The following CNTN4 variants were observed in gnomAD, a reference collection of about 807,000 sequenced individuals.
CNTN4 encodes contactin 4.
CNTN4 carries 77 observed loss-of-function variants against 122.5 expected under a neutral mutation model. The observed-to-expected ratio is 0.63, with a 90% CI of 0.52 to 0.76. The LOEUF (loss-of-function observed/expected upper bound fraction) is 0.76, where lower values mean the gene tolerates loss of function less well. CNTN4 is among the 30% of genes least tolerant of loss of function. CNTN4 has a pLI of 0.00. For missense variants in CNTN4, 1,256 were observed against 1,259.1 expected (o/e 1.00, Z 0.04); for synonymous variants, 512 against 447.0 (o/e 1.15, Z -1.83).
chr3:2,687,553 C>T lies in CNTN4; in HGVS notation c.56-48662C>T, dbSNP rs1336840522. On this transcript the variant is annotated intron_variant, in intron 4 of 24. Transcript: ENST00000418658. ...TGGCATGCGCCTGTAGTCCCAGCTA[C>T]TTGGGAAGATTGCTTGTCCTCAAGA... is the stretch of plus-strand genomic sequence containing the variant. Among the ~76,000 whole-genome samples, 5 of 152,112 alleles carry T rather than the reference C, an allele frequency of 3.3e-5. No homozygotes were observed. In the East Asian group the frequency reaches 9.7e-4, roughly 29 times the overall value.
intron 4 of CNTN4, among the ~76,000 whole-genome samples, chr3:2,627,331 C>T (rs1358911077): frequency 2.6e-5 from 4 of 152,072 alleles, no homozygotes; most frequent in Non-Finnish European, 5.9e-5. Flanking sequence ...GTCATTCTTG[C>T]AAGTTATGTT....
At chr3:2,231,577 TAGA>T (rs1460175658) in intron 2 of CNTN4, among the ~76,000 whole-genome samples, 1 of 152,322 alleles carries the variant, frequency 6.6e-6, no homozygotes, top group South Asian at 2.1e-4. Flanking sequence ...GGAACAAAAT[TAGA>T]AGATTTCTGA....
intron 4 of CNTN4, among the ~76,000 whole-genome samples, chr3:2,703,882 G>A (rs1448993180): frequency 6.6e-6 from 1 of 152,052 alleles, no homozygotes; most frequent in Admixed American, 6.6e-5. Flanking sequence ...TTTAAAAGAT[G>A]ATAGTGTAAA....
At chr3:2,128,137 T>C (rs2034269538) in intron 2 of CNTN4, among the ~76,000 whole-genome samples, 2 of 152,204 alleles carry the variant, frequency 1.3e-5, no homozygotes, top group African/African-American at 4.8e-5. Context: ...CAGTCAGGGC[T>C]TTATCTGCTT....
chr3:2,967,921 C>A (rs1041579538), intron 13 of CNTN4, among the ~76,000 whole-genome samples: 1 of 151,044 alleles, frequency 6.6e-6, no homozygotes. Flanking sequence ...AAAGTTGTGC[C>A]GCCTTTGGTA....
chr3:2,595,390 G>T (rs945142215), intron 4 of CNTN4, among the ~76,000 whole-genome samples: 1 of 152,150 alleles, frequency 6.6e-6, no homozygotes, highest in African/African-American at 2.4e-5. Context: ...TAGAGAAAAG[G>T]CTTTATTGGG....
chr3:2,643,758 C>A (rs2082999771), intron 4 of CNTN4, among the ~76,000 whole-genome samples: 1 of 152,130 alleles, frequency 6.6e-6, no homozygotes, highest in South Asian at 2.1e-4. Flanking sequence ...AGCTACATTA[C>A]AAAGAGTAGA....
intron 13 of CNTN4, among the ~76,000 whole-genome samples, chr3:2,966,088 G>A (rs937683679): frequency 6.6e-6 from 1 of 152,092 alleles, no homozygotes; most frequent in African/African-American, 2.4e-5. Flanking sequence ...CACTACCATA[G>A]GTAGTGAGCA....
At chr3:2,102,613 G>A (rs1019147543) in intron 2 of CNTN4, among the ~76,000 whole-genome samples, 6 of 152,168 alleles carry the variant, frequency 3.9e-5, no homozygotes, top group East Asian at 1.9e-4. Flanking sequence ...TGCCCTTGCC[G>A]TCTTCAGCAG....
At chr3:3,009,445 T>TA (rs959929229) in intron 14 of CNTN4, among the ~76,000 whole-genome samples, 1 of 152,074 alleles carries the variant, frequency 6.6e-6, no homozygotes, top group African/African-American at 2.4e-5. Context: ...GAATTTCTTT[T>TA]TTTTTTGAGA....
Position 2,792,857 on chromosome 3 carries a change from C to A in CNTN4, c.359-26629C>A, listed in dbSNP as rs529840960. On this transcript the variant is annotated intron_variant, in intron 6 of 24. Coordinates refer to ENST00000418658, the MANE Select transcript of CNTN4 (RefSeq NM_175607.3). ...TTATATAAGATGTATTTATACTTTGCATTTTCAAAATACACATTCTCAAAT... is the reference window on the plus strand; with the variant it reads ...TTATATAAGATGTATTTATACTTTGAATTTTCAAAATACACATTCTCAAAT... Among the ~76,000 whole-genome samples, 98 of 152,290 alleles carry A rather than the reference C, an allele frequency of 6.4e-4. 1 individual carries two copies. Among genetic ancestry groups the A allele is most frequent in the African/African-American group, 2.2e-3 (91 of 41,560 alleles).
rs566937249 is a variant in CNTN4, at chr3:2,981,324, G to A, written c.1359-7021G>A. ...CCGGGCGTGGTGGCGGGCGCCTGTA[G>A]TCCCAGCTACTCGGGAGGCTGAGGC... On this transcript the variant is annotated intron_variant, in intron 13 of 24. Transcript: ENST00000418658. Among the ~76,000 whole-genome samples the A allele has an allele frequency of 2.2e-3, 338 of 151,852 alleles. 3 individuals are homozygous for A. In the South Asian group the frequency reaches 0.025, roughly 11 times the overall value.
At chr3:2,744,746 G>T (rs1409378859) in intron 5 of CNTN4, among the ~76,000 whole-genome samples, 1 of 152,144 alleles carries the variant, frequency 6.6e-6, no homozygotes, top group African/African-American at 2.4e-5. Context: ...AAAAACATAG[G>T]TCTTATTACC....
chr3:2,630,056 A>G (rs1238651078), intron 4 of CNTN4, among the ~76,000 whole-genome samples: 1 of 152,194 alleles, frequency 6.6e-6, no homozygotes, highest in Non-Finnish European at 1.5e-5. Context: ...ACACAACCAT[A>G]TTCATTGGTT....
intron 6 of CNTN4, among the ~76,000 whole-genome samples, chr3:2,809,402 G>A (rs186782809): frequency 1.3e-5 from 2 of 152,222 alleles, no homozygotes; most frequent in African/African-American, 4.8e-5. Flanking sequence ...TTGAAGAACA[G>A]AAAGCAAAAT....
At chr3:2,736,442 T>C in intron 5 of CNTN4, 101 bp downstream of exon 5, 1 of 525,228 alleles carries the variant, frequency 1.9e-6, no homozygotes, top group Non-Finnish European at 2.7e-6. Flanking sequence ...CTTTTATTTA[T>C]TTATTTTATT....
chr3:2,613,960 A>T (rs1457175334), intron 4 of CNTN4, among the ~76,000 whole-genome samples: 1 of 152,114 alleles, frequency 6.6e-6, no homozygotes, highest in African/African-American at 2.4e-5. Context: ...CGCTGTTCTA[A>T]CCCTCGTGGA....
intron 2 of CNTN4, among the ~76,000 whole-genome samples, chr3:2,153,985 C>T (rs1261488353): frequency 2.0e-5 from 3 of 152,096 alleles, no homozygotes; most frequent in Admixed American, 6.5e-5. Flanking sequence ...TTTAGCTCTA[C>T]CTTATCTTAT....
chr3:2,963,937 A>G lies in CNTN4; in HGVS notation c.1359-24408A>G, dbSNP rs77279425. ...AATTAGTGAATTGAAGAATGGTCAT[A>G]AACAGAATAAATTGTCTTTTCCAAT... On this transcript the variant is annotated intron_variant, in intron 13 of 24. Coordinates refer to ENST00000418658, the MANE Select transcript of CNTN4 (RefSeq NM_175607.3). Among the ~76,000 whole-genome samples, 1,048 of 152,312 alleles carry G rather than the reference A, an allele frequency of 6.9e-3. 14 individuals carry two copies. Among genetic ancestry groups the G allele is most frequent in the African/African-American group, 0.024 (989 of 41,566 alleles).
Sources: gnomAD v4.1 joint callset for allele counts (sites outside exome capture counted in the v4.1 genomes callset) on GRCh38, gnomAD v4.1.1 for gene constraint, MANE v1.5 for transcripts, NCBI Gene and HGNC (gene_info 2026-07-23, HGNC 2026-07-21) for gene names.